Variants in NCOR1 observed in about 807,000 individuals in gnomAD.
The protein encoded by NCOR1 is nuclear receptor corepressor 1.
NCOR1 carries 63 observed loss-of-function variants against 288.1 expected under a neutral mutation model. That is an observed-to-expected ratio of 0.22 (90% CI 0.18 to 0.27). NCOR1 has a LOEUF of 0.27. Among genes scored for constraint, NCOR1 ranks in the 10% least tolerant of loss-of-function variants. The probability of loss-of-function intolerance (pLI) is 1.00; values close to 1 mark genes in which losing one functional copy is unlikely to be tolerated. For missense variants in NCOR1, 2,397 were observed against 3,019.2 expected, an observed-to-expected ratio of 0.79 and a Z score of 4.83; for synonymous variants, 1,007 against 1,065.9, an observed-to-expected ratio of 0.94 and a Z score of 1.08.
intron 3 of NCOR1, among the ~76,000 whole-genome samples, chr17:16,180,203 T>C (rs2085114142): frequency 2.0e-5 from 3 of 152,066 alleles, no homozygotes; most frequent in African/African-American, 7.2e-5. Flanking sequence ...CTAATCACAA[T>C]GGAAATGCAA....
At chr17:16,109,256 T>A (rs894583244) in intron 18 of NCOR1, among the ~76,000 whole-genome samples, 1 of 149,574 alleles carries the variant, frequency 6.7e-6, no homozygotes, top group African/African-American at 2.4e-5. Context: ...ATATATATAT[T>A]TTTTCTAAAG....
intron 20 of NCOR1, among the ~76,000 whole-genome samples, chr17:16,099,336 C>A (rs2067198451): frequency 6.6e-6 from 1 of 151,978 alleles, no homozygotes; most frequent in African/African-American, 2.4e-5. Flanking sequence ...GTCATGGTCA[C>A]TGGGGGAAGG....
intron 3 of NCOR1, among the ~76,000 whole-genome samples, chr17:16,173,867 G>A (rs556084328): frequency 2.0e-5 from 3 of 152,094 alleles, no homozygotes; most frequent in Non-Finnish European, 2.9e-5. Flanking sequence ...GGAGGCAGAC[G>A]TTGAGGTGAC....
At chr17:16,060,491 A>G (rs2060431075) in intron 37 of NCOR1, among the ~76,000 whole-genome samples, 1 of 152,196 alleles carries the variant, frequency 6.6e-6, no homozygotes, top group African/African-American at 2.4e-5. Flanking sequence ...CAGAAAATCT[A>G]TATTGCAGAT....
In NCOR1 at chr17:16,070,430, T is replaced by G; in HGVS notation, c.4248A>C (p.Gly1416=). ...CTGGCACAATTTCCAGCGGAGGCAT[T>G]CCACGGGATAGTTTGCTAGGCCCCG... is the stretch of plus-strand genomic sequence containing the variant. ...LITGPSKLSR[G]MPPLEIVPEN... Residue 1416 remains glycine (G), a synonymous_variant, in exon 31 of 46, where the codon GGA becomes GGC. Transcript: ENST00000268712. 1 of 1,614,216 alleles carries G rather than the reference T, an allele frequency of 6.2e-7. No homozygotes were observed.
At chr17:16,037,870 A>T (rs765241148) in intron 44 of NCOR1, among the ~76,000 whole-genome samples, 70 of 152,232 alleles carry the variant, frequency 4.6e-4, no homozygotes, top group Non-Finnish European at 7.6e-4. Context: ...AGCTCAGAAG[A>T]GATCAGAGCC....
intron 40 of NCOR1, among the ~76,000 whole-genome samples, chr17:16,051,086 G>A (rs925037654): frequency 3.9e-5 from 6 of 152,078 alleles, no homozygotes; most frequent in South Asian, 2.1e-4. Context: ...CGATCCTCTC[G>A]CCTTGGTCTC....
intron 31 of NCOR1, among the ~76,000 whole-genome samples, chr17:16,069,018 C>G (rs1159360601): frequency 1.3e-5 from 2 of 151,982 alleles, no homozygotes; most frequent in Non-Finnish European, 2.9e-5. Flanking sequence ...CCCAGCCACC[C>G]TCAATTTTTT....
chr17:16,074,825 T>C (rs1175541501), intron 27 of NCOR1, among the ~76,000 whole-genome samples: 1 of 152,200 alleles, frequency 6.6e-6, no homozygotes, highest in Non-Finnish European at 1.5e-5. Flanking sequence ...TAAGGAGTAT[T>C]TAATATTATC....
At chr17:16,104,706 G>T (rs1319517555) in intron 19 of NCOR1, among the ~76,000 whole-genome samples, 2 of 152,206 alleles carry the variant, frequency 1.3e-5, no homozygotes, top group Admixed American at 6.5e-5. Context: ...AAGAGGTCAA[G>T]GCTTGCAGTG....
chr17:16,091,935 G>T lies in NCOR1; in HGVS notation c.2944C>A (p.Gln982Lys), dbSNP rs2065240875. ...GAACTTCTACATTCCAAATCTATCT[G>T]TTCTTGTCTCTGCCGCTGCTCCTCC... ...LLEEQRQRQEQIDLECRSSTS... is the reference protein window; with the variant it reads ...LLEEQRQRQEKIDLECRSSTS... The change falls in exon 22 of 46, where the codon CAG (glutamine) becomes AAG (lysine). Residue 982 changes from glutamine to lysine, a missense_variant. Physicochemically the swap from Gln to Lys is moderately conservative, Grantham distance 53. Around this residue, in one of 11 missense-constraint regions of NCOR1, gnomAD observed 1,872 missense variants for 2,187.8 expected, o/e 0.86. Coordinates refer to ENST00000268712, the MANE Select transcript of NCOR1 (RefSeq NM_006311.4). 1 of 1,614,168 alleles carries T rather than the reference G, an allele frequency of 6.2e-7. No individual in the cohort carries two copies. Among genetic ancestry groups the T allele is most frequent in the African/African-American group, 1.3e-5 (1 of 75,030 alleles).
At position 16,101,500 on chromosome 17, in the gene NCOR1, G is replaced by A; in HGVS notation, c.2440C>T (p.Pro814Ser). 6.2e-7 allele frequency: 1 copy of A among 1,614,110 alleles called. No homozygotes were observed. Among genetic ancestry groups the A allele is most frequent in the African/African-American group, 1.3e-5 (1 of 75,028 alleles). The change falls in exon 20 of 46, where the codon CCA (proline) becomes TCA (serine). Residue 814 changes from proline to serine, a missense_variant. Physicochemically the swap from Pro to Ser is moderately conservative, Grantham distance 74. Around this residue, in one of 11 missense-constraint regions of NCOR1, gnomAD observed 1,872 missense variants for 2,187.8 expected, o/e 0.86. Coordinates refer to ENST00000268712, the MANE Select transcript of NCOR1 (RefSeq NM_006311.4). ...SAEEGSVCDP[P>S]PATKADSVDV... is the part of the protein sequence containing the mutation. ...ACAGAGTCAGCTTTGGTAGCGGGTG[G>A]GGGATCACAAACAGAACCCTCTTCA...
rs141474586 is a variant in NCOR1, at chr17:16,137,350, G to A, written c.1470C>T (p.Leu490=). 4.6e-5 allele frequency: 73 copies of A among 1,603,684 alleles called. No homozygotes were observed. In the African/African-American group the frequency reaches 7.8e-4, roughly 17 times the overall value. Residue 490 remains leucine (L), a synonymous_variant, in exon 14 of 46, where the codon CTC becomes CTT. Coordinates refer to ENST00000268712, the MANE Select transcript of NCOR1 (RefSeq NM_006311.4). Reference sequence around the variant, plus strand: ...TGCGTTTCCCATAATTCCTTCTGACGAGGGCTTTATAATTCTCATTTTTCT... The same window carrying A: ...TGCGTTTCCCATAATTCCTTCTGACAAGGGCTTTATAATTCTCATTTTTCT... ...LTKKNENYKA[L]VRRNYGKRRG...
rs570837076 is a variant in NCOR1, at chr17:16,155,890, A to AT, written c.733-2496dup. Among the ~76,000 whole-genome samples the AT allele has an allele frequency of 2.8e-3, 428 of 152,330 alleles. 3 individuals are homozygous for AT. Among genetic ancestry groups the AT allele is most frequent in the African/African-American group, 9.5e-3 (395 of 41,570 alleles). ...GGGCAGAAAAAGCCTTGGGGAGTAC[A>AT]TATCAGAAAGCCTGGGTTCTAGGCC... On this transcript the variant is annotated intron_variant, in intron 6 of 45. Transcript: ENST00000268712.
At chr17:16,184,735 ATC>A (rs2086246896) in intron 3 of NCOR1, among the ~76,000 whole-genome samples, 1 of 152,170 alleles carries the variant, frequency 6.6e-6, no homozygotes, top group Non-Finnish European at 1.5e-5. Flanking sequence ...GGGAAATGAA[ATC>A]ACCATCTTGT....
At chr17:16,073,802 T>G (rs2062044467) in intron 27 of NCOR1, among the ~76,000 whole-genome samples, 1 of 152,208 alleles carries the variant, frequency 6.6e-6, no homozygotes, top group Admixed American at 6.5e-5. Flanking sequence ...ATTAACAAAT[T>G]AAGTCCCTTT....
At chr17:16,182,060 T>C (rs1197043702) in intron 3 of NCOR1, among the ~76,000 whole-genome samples, 2 of 152,176 alleles carry the variant, frequency 1.3e-5, no homozygotes, top group African/African-American at 4.8e-5. Context: ...TGATTGTTGG[T>C]CTAGAAATTG....
In NCOR1 at chr17:16,031,671, C is replaced by T; in HGVS notation, c.*625G>A. ...AGAATTTGTTACTTTTACCTTTTGA[C>T]CCTAATGTACAGATTTTATGACAGG... On this transcript the variant is annotated 3_prime_UTR_variant, in exon 46 of 46. Coordinates refer to ENST00000268712, the MANE Select transcript of NCOR1 (RefSeq NM_006311.4). 1 of 226,578 alleles carries T rather than the reference C, an allele frequency of 4.4e-6. No individual in the cohort carries two copies. Among genetic ancestry groups the T allele is most frequent in the Non-Finnish European group, 8.8e-6 (1 of 114,032 alleles). 14.0% of individuals were successfully genotyped at this position (226,578 alleles called of 1,614,324 possible).
intron 21 of NCOR1, among the ~76,000 whole-genome samples, chr17:16,096,933 A>C (rs2066736857): frequency 6.6e-6 from 1 of 152,238 alleles, no homozygotes; most frequent in Non-Finnish European, 1.5e-5. Flanking sequence ...GATACAATGG[A>C]GTATTATTCA....
Sources: allele counts gnomAD v4.1 joint callset (sites outside exome capture counted in the v4.1 genomes callset), GRCh38; gene constraint gnomAD v4.1.1; regional missense constraint gnomAD v4.1.1; transcripts MANE v1.5; gene names NCBI Gene and HGNC (gene_info 2026-07-23, HGNC 2026-07-21).